The following SELP variants were observed in gnomAD, a reference collection of about 807,000 sequenced individuals.
SELP encodes the protein selectin P, also known as P-selectin.
In SELP, 92 loss-of-function variants were observed where a neutral mutation model predicts 104.1. That is an observed-to-expected ratio of 0.88 (90% CI 0.75 to 1.05). SELP has a LOEUF of 1.05. Among genes scored for constraint, SELP ranks in the 50% least tolerant of loss-of-function variants. The pLI is 0.00. For missense variants in SELP, 1,022 were observed against 1,017.3 expected, an observed-to-expected ratio of 1.00 and a Z score of -0.06; for synonymous variants, 397 against 364.5, an observed-to-expected ratio of 1.09 and a Z score of -1.01.
At chr1:169,602,941 G>T in intron 10 of SELP, 85 bp downstream of exon 10, 1 of 1,195,800 alleles carries the variant, frequency 8.4e-7, no homozygotes, top group South Asian at 1.7e-5. Flanking sequence ...TTCAGCTCAA[G>T]AACACTTTTA....
intron 15 of SELP, 68 bp downstream of exon 15, chr1:169,591,358 A>G: frequency 9.6e-7 from 1 of 1,044,690 alleles, no homozygotes; most frequent in South Asian, 1.5e-5. Context: ...AATCATTCTG[A>G]CATATTACAG....
At chr1:169,628,700 G>C (rs555714298) in intron 1 of SELP, among the ~76,000 whole-genome samples, 1 of 152,208 alleles carries the variant, frequency 6.6e-6, no homozygotes, top group Non-Finnish European at 1.5e-5. Flanking sequence ...AGAACTCTCT[G>C]ATCCAATAAG....
At chr1:169,628,994 G>A (rs1663508774) in intron 1 of SELP, among the ~76,000 whole-genome samples, 1 of 152,192 alleles carries the variant, frequency 6.6e-6, no homozygotes, top group Admixed American at 6.5e-5. Flanking sequence ...TCAGGTGTAT[G>A]CGGTACTTTT....
intron 10 of SELP, among the ~76,000 whole-genome samples, chr1:169,601,556 C>T (rs1164696483): frequency 6.6e-6 from 1 of 152,172 alleles, no homozygotes; most frequent in Non-Finnish European, 1.5e-5. Flanking sequence ...CCAGGCACTG[C>T]CATTTCTAAA....
intron 12 of SELP, 34 bp from the exon 13 acceptor site, chr1:169,594,911 T>C (rs749226849): frequency 3.8e-6 from 6 of 1,584,730 alleles, no homozygotes; most frequent in Admixed American, 3.4e-5. Context: ...AGAAACAACA[T>C]GTGGATTGGA....
chr1:169,600,250 G>T (rs1211371557), intron 10 of SELP, among the ~76,000 whole-genome samples: 1 of 152,010 alleles, frequency 6.6e-6, no homozygotes, highest in African/African-American at 2.4e-5. Context: ...ATTATATAAA[G>T]TTCCAAAAAG....
At chr1:169,621,842 C>T (rs3917688) in intron 1 of SELP, among the ~76,000 whole-genome samples, 76,317 of 151,978 alleles carry the variant, frequency 0.5, 19,484 homozygotes, top group Middle Eastern at 0.62. Flanking sequence ...CCCTTTGGTG[C>T]GAACCTAACC....
Position 169,613,022 on chromosome 1 carries a change from A to G in SELP, c.682T>C (p.Phe228Leu). 1 of 1,613,414 alleles carries G rather than the reference A, an allele frequency of 6.2e-7. No individual in the cohort carries two copies. The highest frequency in any genetic ancestry group is 8.5e-7 in the Non-Finnish European group (1 of 1,179,382). Residue 228 changes from phenylalanine (F) to leucine (L), a missense_variant, in exon 5 of 17, where the codon TTC (phenylalanine) becomes CTC (leucine). Phe to Leu is a conservative substitution (Grantham distance 22, BLOSUM62 0). Coordinates refer to ENST00000263686, the MANE Select transcript of SELP (RefSeq NM_003005.4). ...ACTTGGTACCCGTCAGTGCAGTGGA[A>G]GCTGCACTGCGAGTTAAAAGAGAAG... ...GNFSFNSQCS[F>L]HCTDGYQVNG... is the part of the protein sequence containing the mutation.
intron 1 of SELP, among the ~76,000 whole-genome samples, chr1:169,620,656 T>G (rs1054391468): frequency 2.6e-5 from 4 of 152,212 alleles, no homozygotes; most frequent in African/African-American, 7.2e-5. Context: ...GACAATTTGC[T>G]GCGAGGTTAT....
intron 1 of SELP, among the ~76,000 whole-genome samples, chr1:169,627,731 T>C (rs1195978956): frequency 6.6e-6 from 1 of 152,206 alleles, no homozygotes; most frequent in Non-Finnish European, 1.5e-5. Flanking sequence ...TCTCTGAAGA[T>C]GCACATTCTA....
intron 11 of SELP, 64 bp downstream of exon 11, chr1:169,596,927 A>T: frequency 6.9e-7 from 1 of 1,445,592 alleles, no homozygotes; most frequent in Non-Finnish European, 9.4e-7. Context: ...GAACTAGATA[A>T]TTGTTTGTTG....
intron 10 of SELP, among the ~76,000 whole-genome samples, chr1:169,598,482 G>T (rs1661740465): frequency 6.6e-6 from 1 of 152,072 alleles, no homozygotes; most frequent in African/African-American, 2.4e-5. Flanking sequence ...GATTCTTATT[G>T]CATGAATCCA....
chr1:169,597,666 T>G (rs544884490), intron 10 of SELP, among the ~76,000 whole-genome samples: 1 of 152,328 alleles, frequency 6.6e-6, no homozygotes, highest in East Asian at 1.9e-4. Flanking sequence ...CATTTGAATC[T>G]CCTCACTAAT....
intron 9 of SELP, among the ~76,000 whole-genome samples, chr1:169,605,900 G>A (rs553105083): frequency 2.6e-5 from 4 of 152,208 alleles, no homozygotes; most frequent in African/African-American, 9.6e-5. Flanking sequence ...CATTGAGGGG[G>A]AAAAAGCTTG....
At position 169,613,562 on chromosome 1, in the gene SELP, A is replaced by T. The variant is rs575904297; in HGVS notation, c.589+24T>A. ...TCATCTCTAGCATAAAACCAAAATA[A>T]TATCAACAAAAAGGAAGCCTCACCG... On this transcript the variant is annotated intron_variant, in intron 4 of 16. Transcript: ENST00000263686. The T allele has an allele frequency of 2.5e-5, 40 of 1,582,062 alleles. 1 individual carries two copies. In the South Asian group the frequency reaches 4.1e-4, roughly 16 times the overall value.
At chr1:169,622,916 T>C (rs994857704) in intron 1 of SELP, among the ~76,000 whole-genome samples, 1 of 152,226 alleles carries the variant, frequency 6.6e-6, no homozygotes, top group African/African-American at 2.4e-5. Context: ...ATCATGCTAG[T>C]ACTTTATTCC....
At position 169,597,091 on chromosome 1, in the gene SELP, G is replaced by A. The variant is rs12042120; in HGVS notation, c.1791C>T (p.Thr597=). The change falls in exon 11 of 17, where the codon ACC becomes ACT. Residue 597 remains threonine (T), a synonymous_variant. Transcript: ENST00000263686. ...AGCCGTTGTCACAAGAGAAATGGCA[G>A]GTGGAGCCAACATTGAATTCTCCAC... ...DTRGEFNVGS[T]CHFSCDNGFK... 968 of 1,613,306 alleles carry A rather than the reference G, an allele frequency of 6.0e-4. 14 individuals carry two copies. In the East Asian group the frequency reaches 0.021, roughly 35 times the overall value.
Position 169,609,544 on chromosome 1 carries a change from A to C in SELP, c.1293T>G (p.Asp431Glu). ...CTGGTGCTGTCCACTGTCCCAAGTT[A>C]TCACACCGAACTATATCGGCTCCTC... ...MLRGADIVRCDNLGQWTAPAP... is the reference protein window; with the variant it reads ...MLRGADIVRCENLGQWTAPAP... The change falls in exon 8 of 17, where the codon GAT becomes GAG. Residue 431 changes from aspartate (D) to glutamate (E), a missense_variant. Asp to Glu is a conservative substitution (Grantham distance 45, BLOSUM62 2). Coordinates refer to ENST00000263686, the MANE Select transcript of SELP (RefSeq NM_003005.4). 6.2e-7 allele frequency: 1 copy of C among 1,613,986 alleles called. No individual in the cohort carries two copies. Among genetic ancestry groups the C allele is most frequent in the Non-Finnish European group, 8.5e-7 (1 of 1,179,922 alleles).
intron 1 of SELP, among the ~76,000 whole-genome samples, chr1:169,619,925 A>G (rs569869707): frequency 2.8e-4 from 42 of 152,168 alleles, no homozygotes; most frequent in African/African-American, 9.9e-4. Flanking sequence ...TTTTGGGGCC[A>G]GGCACAGTGG....
Sources: allele counts gnomAD v4.1 joint callset (sites outside exome capture counted in the v4.1 genomes callset), GRCh38; gene constraint gnomAD v4.1.1; transcripts MANE v1.5; gene names NCBI Gene and HGNC (gene_info 2026-07-23, HGNC 2026-07-21).